Variants in KCND3 observed in about 807,000 individuals in gnomAD.
KCND3 encodes potassium voltage-gated channel subfamily D member 3.
KCND3 carries 9 observed loss-of-function variants against 51.1 expected under a neutral mutation model. The observed-to-expected ratio is 0.18, with a 90% CI of 0.11 to 0.31. The LOEUF (loss-of-function observed/expected upper bound fraction) is 0.31. Among genes scored for constraint, KCND3 ranks in the 10% least tolerant of loss-of-function variants. The pLI is 1.00. For synonymous variants in KCND3, 349 were observed against 368.0 expected, an observed-to-expected ratio of 0.95 and a Z score of 0.59; for missense variants, 526 against 903.8, an observed-to-expected ratio of 0.58 and a Z score of 5.36.
At chr1:111,898,546 G>A (rs1670234205) in intron 2 of KCND3, among the ~76,000 whole-genome samples, 1 of 152,106 alleles carries the variant, frequency 6.6e-6, no homozygotes, top group Admixed American at 6.5e-5. Flanking sequence ...TGGTCCCTGG[G>A]GTCTGGCACA....
chr1:111,779,109 T>C (rs1323103480), intron 5 of KCND3, among the ~76,000 whole-genome samples: 2 of 152,166 alleles, frequency 1.3e-5, no homozygotes, highest in Non-Finnish European at 2.9e-5. Context: ...CACCTTCCCA[T>C]TTTGGAAGTA....
At chr1:111,869,914 C>CAT (rs1467099553) in intron 2 of KCND3, among the ~76,000 whole-genome samples, 3 of 151,900 alleles carry the variant, frequency 2.0e-5, no homozygotes, top group Admixed American at 6.5e-5. Flanking sequence ...AACACACACA[C>CAT]ACACACGTAC....
chr1:111,939,678 A>G (rs1470747794), intron 2 of KCND3, among the ~76,000 whole-genome samples: 1 of 152,254 alleles, frequency 6.6e-6, no homozygotes, highest in Non-Finnish European at 1.5e-5. Flanking sequence ...TAGTGTCACA[A>G]TAAACATACG....
chr1:111,984,524 C>T (rs1305018941), intron 1 of KCND3, among the ~76,000 whole-genome samples: 6 of 152,214 alleles, frequency 3.9e-5, no homozygotes, highest in Admixed American at 2.6e-4. Context: ...TCTTGTCTCT[C>T]ACTCTCACAC....
intron 2 of KCND3, among the ~76,000 whole-genome samples, chr1:111,948,237 T>C (rs1672882313): frequency 6.6e-6 from 1 of 152,230 alleles, no homozygotes; most frequent in Non-Finnish European, 1.5e-5. Flanking sequence ...GCCACGGGGC[T>C]GGTGCTGGCC....
chr1:111,843,947 C>G (rs1391646907), intron 2 of KCND3, among the ~76,000 whole-genome samples: 1 of 152,154 alleles, frequency 6.6e-6, no homozygotes, highest in Non-Finnish European at 1.5e-5. Flanking sequence ...TGACAGTAAA[C>G]ATGGCTTCTT....
intron 2 of KCND3, among the ~76,000 whole-genome samples, chr1:111,891,076 C>T (rs1301884226): frequency 1.3e-5 from 2 of 152,166 alleles, no homozygotes; most frequent in Non-Finnish European, 2.9e-5. Context: ...GAAACCAGCT[C>T]TCCACTTACT....
At chr1:111,865,911 G>T (rs1445491783) in intron 2 of KCND3, among the ~76,000 whole-genome samples, 1 of 152,122 alleles carries the variant, frequency 6.6e-6, no homozygotes, top group Non-Finnish European at 1.5e-5. Flanking sequence ...TCACCATGTT[G>T]CCTAGGCTGG....
intron 2 of KCND3, among the ~76,000 whole-genome samples, chr1:111,867,625 T>C (rs1668636728): frequency 6.6e-6 from 1 of 152,170 alleles, no homozygotes; most frequent in Admixed American, 6.5e-5. Context: ...TGGGGAGCAG[T>C]TCTTGCTAAA....
At chr1:111,910,672 C>T (rs1003856172) in intron 2 of KCND3, 1 of 152,248 alleles carries the variant, frequency 6.6e-6, no homozygotes, top group African/African-American at 2.4e-5. Context: ...CTCAGCTAAC[C>T]AGGACATTGC....
intron 2 of KCND3, among the ~76,000 whole-genome samples, chr1:111,840,018 G>A (rs1667250304): frequency 6.6e-6 from 1 of 152,212 alleles, no homozygotes. Context: ...GAAAGTCCAA[G>A]TTTAAGGTGC....
chr1:111,964,118 A>G (rs1406266915), intron 2 of KCND3, among the ~76,000 whole-genome samples: 1 of 152,170 alleles, frequency 6.6e-6, no homozygotes, highest in East Asian at 1.9e-4. Context: ...ACATGCCATT[A>G]TGGCTGCCCA....
intron 2 of KCND3, among the ~76,000 whole-genome samples, chr1:111,831,727 C>A (rs1666842196): frequency 6.6e-6 from 1 of 152,190 alleles, no homozygotes; most frequent in African/African-American, 2.4e-5. Flanking sequence ...ACTGAGCTGG[C>A]CCCACGAGAA....
At chr1:111,815,506 C>T (rs112261857) in intron 2 of KCND3, among the ~76,000 whole-genome samples, 1 of 150,322 alleles carries the variant, frequency 6.7e-6, no homozygotes, top group African/African-American at 2.5e-5. Context: ...CTGGCTTCCT[C>T]ATCCCCTGCC....
At chr1:111,850,076 C>T (rs374065308) in intron 2 of KCND3, among the ~76,000 whole-genome samples, 3 of 152,156 alleles carry the variant, frequency 2.0e-5, no homozygotes, top group Non-Finnish European at 4.4e-5. Flanking sequence ...CATCTCACCG[C>T]GCTCCTTCCT....
At chr1:111,850,670 T>A (rs1287328334) in intron 2 of KCND3, among the ~76,000 whole-genome samples, 2 of 152,186 alleles carry the variant, frequency 1.3e-5, no homozygotes, top group Non-Finnish European at 2.9e-5. Context: ...CACTGGCCAC[T>A]GGGGACCACT....
chr1:111,793,289 C>T (rs1460901313), intron 2 of KCND3, among the ~76,000 whole-genome samples: 1 of 151,742 alleles, frequency 6.6e-6, no homozygotes, highest in Non-Finnish European at 1.5e-5. Flanking sequence ...CATTCTCCTG[C>T]CTCAGCCTCC....
intron 2 of KCND3, among the ~76,000 whole-genome samples, chr1:111,801,230 G>A (rs1170234578): frequency 6.6e-6 from 1 of 152,270 alleles, no homozygotes; most frequent in Admixed American, 6.5e-5. Flanking sequence ...GATGCTGGGA[G>A]AAAGCGGGAA....
chr1:111,927,548 G>A (rs1671764576), intron 2 of KCND3, among the ~76,000 whole-genome samples: 3 of 152,242 alleles, frequency 2.0e-5, no homozygotes, highest in African/African-American at 4.8e-5. Flanking sequence ...CGTGTGCAGA[G>A]GGAGAGAACC....
Sources: allele counts gnomAD v4.1 joint callset (sites outside exome capture counted in the v4.1 genomes callset), GRCh38; gene constraint gnomAD v4.1.1; transcripts MANE v1.5; gene names NCBI Gene and HGNC (gene_info 2026-07-23, HGNC 2026-07-21).